NRG1: variants seen among roughly 807,000 people sequenced by gnomAD.
The protein encoded by NRG1 is neuregulin 1.
A neutral mutation model predicts 63.8 loss-of-function variants in NRG1; 18 were observed. The observed-to-expected ratio is 0.28, with a 90% CI of 0.19 to 0.42. NRG1 has a LOEUF of 0.42. Among genes scored for constraint, NRG1 ranks in the 10% least tolerant of loss-of-function variants. NRG1 has a pLI of 1.00. For missense variants in NRG1, 762 were observed against 814.7 expected (o/e 0.94, Z 0.79); for synonymous variants, 302 against 301.3 (o/e 1.00, Z -0.02).
intron 1 of NRG1, among the ~76,000 whole-genome samples, chr8:32,145,268 G>C (rs2131772879): frequency 6.6e-6 from 1 of 152,268 alleles, no homozygotes; most frequent in South Asian, 2.1e-4. Flanking sequence ...TGTTTTCTGA[G>C]ATACCTGAAC....
chr8:32,352,439 G>C (rs576385901), intron 1 of NRG1, among the ~76,000 whole-genome samples: 1 of 151,210 alleles, frequency 6.6e-6, no homozygotes, highest in Non-Finnish European at 1.5e-5. Context: ...GTATAAATCT[G>C]GTTGGCAATG....
At chr8:31,690,672 C>A (rs748672936) in intron 1 of NRG1, among the ~76,000 whole-genome samples, 8 of 151,966 alleles carry the variant, frequency 5.3e-5, no homozygotes, top group Non-Finnish European at 1.2e-4. Context: ...GAAGATAGGG[C>A]AAGTAAGGTT....
chr8:32,038,081 C>T (rs1029951501), intron 1 of NRG1, among the ~76,000 whole-genome samples: 4 of 152,240 alleles, frequency 2.6e-5, no homozygotes, highest in African/African-American at 7.2e-5. Flanking sequence ...CCTGAGCAGC[C>T]GCTGTGAGCC....
At chr8:32,483,838 C>A (rs1217921258) in intron 1 of NRG1, among the ~76,000 whole-genome samples, 1 of 152,164 alleles carries the variant, frequency 6.6e-6, no homozygotes, top group Non-Finnish European at 1.5e-5. Context: ...GGTGCGGTGG[C>A]TCACGCCTGT....
In NRG1 at chr8:31,640,096, C is replaced by T. The variant is rs1022049418; in HGVS notation, c.37+665C>T. 1 of 1,141,270 alleles carries T rather than the reference C, an allele frequency of 8.8e-7. No homozygotes were observed. The highest frequency in any genetic ancestry group is 1.1e-6 in the Non-Finnish European group (1 of 931,096). The allele number at this position is 1,141,270 out of a possible 1,614,324, so 70.7% of individuals were successfully genotyped here. ...GCTGCCGCTGCTGCCACTACTGCTG[C>T]TGCTGGGGACCGCGGCCCTGGCGCC... On this transcript the variant is annotated intron_variant, in intron 1 of 10. Coordinates refer to the NRG1 transcript ENST00000519301. This position sits in a 1 kb window ranked among gnomAD's most constrained non-coding sequence, Gnocchi z 6.3.
At chr8:31,924,618 C>CGT (rs1554577808) in intron 1 of NRG1, among the ~76,000 whole-genome samples, 2 of 139,802 alleles carry the variant, frequency 1.4e-5, no homozygotes, top group Non-Finnish European at 3.1e-5. Flanking sequence ...AAATTTGTGC[C>CGT]TTTTTTTTTT....
At chr8:32,013,724 T>C (rs1815092348) in intron 1 of NRG1, among the ~76,000 whole-genome samples, 1 of 152,106 alleles carries the variant, frequency 6.6e-6, no homozygotes, top group African/African-American at 2.4e-5. Context: ...CAAAACTCAC[T>C]ACATTCTGTA....
intron 1 of NRG1, among the ~76,000 whole-genome samples, chr8:32,498,194 C>G (rs1827442859): frequency 6.6e-6 from 1 of 152,060 alleles, no homozygotes; most frequent in Admixed American, 6.6e-5. Context: ...AGTGGTTAGA[C>G]TAGGGGGTTT....
intron 7 of NRG1, chr8:32,749,492 C>T: frequency 6.8e-7 from 1 of 1,461,170 alleles, no homozygotes; most frequent in Non-Finnish European, 9.6e-7. Flanking sequence ...TTTTGGAGTG[C>T]AGTGTATTGC....
intron 1 of NRG1, among the ~76,000 whole-genome samples, chr8:31,899,143 T>C (rs1001011264): frequency 1.3e-5 from 2 of 151,694 alleles, no homozygotes; most frequent in African/African-American, 4.8e-5. Context: ...TTGCTCTGTC[T>C]CCCAGGCTGG....
At chr8:31,869,842 G>A (rs913048851) in intron 1 of NRG1, among the ~76,000 whole-genome samples, 17 of 152,106 alleles carry the variant, frequency 1.1e-4, no homozygotes, top group Admixed American at 4.6e-4. Flanking sequence ...TTGAACATGC[G>A]CATCCATGAG....
intron 1 of NRG1, among the ~76,000 whole-genome samples, chr8:31,780,949 A>G (rs1819627206): frequency 6.6e-6 from 1 of 152,204 alleles, no homozygotes; most frequent in Admixed American, 6.5e-5. Context: ...CCGACAATTG[A>G]GTGGGAAAAG....
intron 1 of NRG1, among the ~76,000 whole-genome samples, chr8:32,467,928 C>T (rs1823280936): frequency 6.6e-6 from 1 of 152,206 alleles, no homozygotes; most frequent in Non-Finnish European, 1.5e-5. Context: ...TTCTGCAGTG[C>T]CTCTTAGGTA....
At chr8:32,263,621 T>TTA (rs1850616795) in intron 1 of NRG1, among the ~76,000 whole-genome samples, 1 of 152,214 alleles carries the variant, frequency 6.6e-6, no homozygotes, top group Non-Finnish European at 1.5e-5. Context: ...AAGTCACTAG[T>TTA]TACTTTTCTG....
intron 1 of NRG1, among the ~76,000 whole-genome samples, chr8:31,817,746 T>C (rs1409754485): frequency 2.0e-5 from 3 of 152,214 alleles, no homozygotes; most frequent in African/African-American, 7.2e-5. Flanking sequence ...ACAAAAGTTG[T>C]TCATTTTAAC....
In NRG1 at chr8:31,717,577, TTG is replaced by T. The variant is rs149679794; in HGVS notation, c.37+78150_37+78151del. Among the ~76,000 whole-genome samples the T allele has an allele frequency of 3.0e-4, 45 of 152,246 alleles. 1 individual carries two copies. In the East Asian group the frequency reaches 7.7e-3, roughly 26 times the overall value. ...CCAGTCTTACAAAGTGGGACATGCA[TTG>T]TGTTTCTTGGGCATACTCACTTCCC... On this transcript the variant is annotated intron_variant, in intron 1 of 10. Coordinates refer to the NRG1 transcript ENST00000519301.
chr8:32,227,596 T>C (rs1353343154), intron 1 of NRG1, among the ~76,000 whole-genome samples: 3 of 152,180 alleles, frequency 2.0e-5, no homozygotes, highest in African/African-American at 7.2e-5. Flanking sequence ...TCCTTTCCTT[T>C]CGGAATTTCT....
At chr8:32,347,842 AAAC>A (rs1805116308) in intron 1 of NRG1, among the ~76,000 whole-genome samples, 1 of 152,192 alleles carries the variant, frequency 6.6e-6, no homozygotes, top group African/African-American at 2.4e-5. Flanking sequence ...TCGTGACTAC[AAAC>A]TTGTTTTTAA....
At chr8:32,261,914 C>T (rs930973424) in intron 1 of NRG1, among the ~76,000 whole-genome samples, 1 of 152,124 alleles carries the variant, frequency 6.6e-6, no homozygotes, top group Non-Finnish European at 1.5e-5. Flanking sequence ...TTCATGCCCC[C>T]AGGCTTACAG....
Sources: allele counts gnomAD v4.1 joint callset (sites outside exome capture counted in the v4.1 genomes callset), GRCh38; gene constraint gnomAD v4.1.1; non-coding constraint Gnocchi (gnomAD v3.1); transcripts MANE v1.5; gene names NCBI Gene and HGNC (gene_info 2026-07-23, HGNC 2026-07-21).